MAPK8IP3: variants seen among roughly 807,000 people sequenced by gnomAD.
The protein encoded by MAPK8IP3 is mitogen-activated protein kinase 8 interacting protein 3, also known as C-Jun-amino-terminal kinase-interacting protein 3.
A neutral mutation model predicts 157.8 loss-of-function variants in MAPK8IP3; 49 were observed. The ratio of observed to expected loss-of-function variants is 0.31; its 90% confidence interval spans 0.25 to 0.39. MAPK8IP3 has a LOEUF of 0.39. MAPK8IP3 is among the 10% of genes least tolerant of loss of function. The probability of loss-of-function intolerance (pLI) is 1.00; values close to 1 mark genes in which losing one functional copy is unlikely to be tolerated. For missense variants in MAPK8IP3, 1,478 were observed against 1,889.4 expected (o/e 0.78, Z 4.04); for synonymous variants, 897 against 777.7 (o/e 1.15, Z -2.55).
chr16:1,767,853 T>G lies in MAPK8IP3; in HGVS notation c.3458T>G (p.Val1153Gly), dbSNP rs1364948978. The change falls in exon 28 of 32, where the codon GTC becomes GGC. Residue 1153 changes from valine to glycine, a missense_variant. Physicochemically the swap from Val to Gly is moderately radical, Grantham distance 109. Around this residue, in one of 11 missense-constraint regions of MAPK8IP3, gnomAD observed 68 missense variants for 125.1 expected, o/e 0.54. Coordinates refer to ENST00000610761, the MANE Select transcript of MAPK8IP3 (RefSeq NM_001318852.2). ...TTCGTACGCATCACGGCCCTGCTTG[T>G]CGCGGGCAGCCGGCTCTGGGTGGGC... ...FSFVRITALL[V>G]AGSRLWVGTG... 1 of 1,611,266 alleles carries G rather than the reference T, an allele frequency of 6.2e-7. No homozygotes were observed. The highest frequency in any genetic ancestry group is 1.7e-5 in the Admixed American group (1 of 59,988).
chr16:1,740,185 C>T (rs2040573186), intron 4 of MAPK8IP3, among the ~76,000 whole-genome samples: 1 of 110,468 alleles, frequency 9.1e-6, no homozygotes. Flanking sequence ...TGTGACCGTT[C>T]GTGTGAGTGT....
In MAPK8IP3 at chr16:1,750,713, C is replaced by T. The variant is rs780551801; in HGVS notation, c.1216+1993C>T. 1.4e-3 allele frequency among the ~76,000 whole-genome samples: 218 copies of T among 150,840 alleles called. 1 individual carries two copies. The highest frequency in any genetic ancestry group is 2.4e-3 in the Non-Finnish European group (163 of 67,724). ...AGGCTGGAGTGCAGTGGTGCGATCT[C>T]GGCTCACTGCAACCTCTGCCTTCCC... On this transcript the variant is annotated intron_variant, in intron 8 of 31. Transcript: ENST00000610761.
chr16:1,717,479 C>A (rs2038231216), intron 1 of MAPK8IP3, among the ~76,000 whole-genome samples: 1 of 152,166 alleles, frequency 6.6e-6, no homozygotes, highest in Non-Finnish European at 1.5e-5. Context: ...AGTCATTGCT[C>A]CTTGGGATGC....
Position 1,766,323 on chromosome 16 carries a change from G to A in MAPK8IP3, c.2733G>A (p.Glu911=), listed in dbSNP as rs1225709263. 1 of 1,612,646 alleles carries A rather than the reference G, an allele frequency of 6.2e-7. No homozygotes were observed. The highest frequency in any genetic ancestry group is 1.3e-5 in the African/African-American group (1 of 74,946). Residue 911 remains glutamate, a synonymous_variant, in exon 22 of 32, where the codon GAG becomes GAA. Coordinates refer to ENST00000610761, the MANE Select transcript of MAPK8IP3 (RefSeq NM_001318852.2). ...CAGACCCTGGGCCCAGCGAGCCAGAGACAGCCACATTGCGGCCCGGGCCTC... is the reference window on the plus strand; with the variant it reads ...CAGACCCTGGGCCCAGCGAGCCAGAAACAGCCACATTGCGGCCCGGGCCTC... The part of the protein sequence containing the change: ...EVPDPGPSEP[E]TATLRPGPLT...
At chr16:1,759,332 G>A (rs926809835) in intron 10 of MAPK8IP3, among the ~76,000 whole-genome samples, 3 of 152,240 alleles carry the variant, frequency 2.0e-5, no homozygotes, top group African/African-American at 4.8e-5. Context: ...CTGAGCCCAG[G>A]CACAGAGGCG....
intron 9 of MAPK8IP3, 102 bp downstream of exon 9, chr16:1,758,261 G>GC (rs1407411352): frequency 2.2e-6 from 3 of 1,381,294 alleles, no homozygotes; most frequent in East Asian, 2.4e-5. Flanking sequence ...TGTGTGGACT[G>GC]CCCCCCACGT....
chr16:1,729,859 T>G (rs1325393456), intron 4 of MAPK8IP3, among the ~76,000 whole-genome samples: 1 of 152,072 alleles, frequency 6.6e-6, no homozygotes, highest in Non-Finnish European at 1.5e-5. Flanking sequence ...TGCGCATATT[T>G]AACCCTTACT....
chr16:1,715,790 G>A (rs761526809), intron 1 of MAPK8IP3, among the ~76,000 whole-genome samples: 5 of 151,364 alleles, frequency 3.3e-5, no homozygotes, highest in Admixed American at 6.6e-5. Flanking sequence ...GTGCAATGGC[G>A]TGATCTCTAC....
chr16:1,737,696 A>G (rs1303021988), intron 4 of MAPK8IP3, among the ~76,000 whole-genome samples: 6 of 71,322 alleles, frequency 8.4e-5, no homozygotes, highest in Admixed American at 1.9e-4. Flanking sequence ...GTGTGTGACC[A>G]TCCATGTGAG....
chr16:1,757,522 C>T (rs2041678392), intron 8 of MAPK8IP3, among the ~76,000 whole-genome samples: 1 of 152,204 alleles, frequency 6.6e-6, no homozygotes, highest in African/African-American at 2.4e-5. Flanking sequence ...CCTCGCCAGC[C>T]TCCTGTGCAG....
At chr16:1,738,627 TGTGAGC>T (rs2040290201) in intron 4 of MAPK8IP3, among the ~76,000 whole-genome samples, 1 of 120,924 alleles carries the variant, frequency 8.3e-6, no homozygotes, top group Non-Finnish European at 1.7e-5. Context: ...TGAGCATCGG[TGTGAGC>T]GTGTGAGCGT....
intron 13 of MAPK8IP3, 56 bp downstream of exon 13, chr16:1,761,361 G>A: frequency 6.6e-7 from 1 of 1,511,852 alleles, no homozygotes. Context: ...CTTTTCACAG[G>A]CGGGGCGGCC....
chr16:1,728,013 T>C (rs1221185931), intron 2 of MAPK8IP3, among the ~76,000 whole-genome samples: 1 of 152,232 alleles, frequency 6.6e-6, no homozygotes, highest in Non-Finnish European at 1.5e-5. Flanking sequence ...TCCCTGGGGC[T>C]GTCTCTCACC....
chr16:1,711,854 C>T (rs1249884362), intron 1 of MAPK8IP3, among the ~76,000 whole-genome samples: 1 of 150,904 alleles, frequency 6.6e-6, no homozygotes, highest in African/African-American at 2.4e-5. Context: ...GCAGGAGAAT[C>T]GCTTGAACAC....
chr16:1,759,019 CGT>C (rs1567197065), intron 10 of MAPK8IP3, 24 bp downstream of exon 10: 1 of 1,613,920 alleles, frequency 6.2e-7, no homozygotes, highest in Admixed American at 1.7e-5. Flanking sequence ...CCCGTTCCAG[CGT>C]GCGTCGCTCC....
chr16:1,730,506 G>A (rs561911882), intron 4 of MAPK8IP3, among the ~76,000 whole-genome samples: 1 of 152,148 alleles, frequency 6.6e-6, no homozygotes, highest in African/African-American at 2.4e-5. Context: ...TTGGGAGGCC[G>A]AGGTGGGCAG....
chr16:1,737,050 GTC>G (rs2039981627), intron 4 of MAPK8IP3, among the ~76,000 whole-genome samples: 4 of 79,114 alleles, frequency 5.1e-5, no homozygotes, highest in Non-Finnish European at 7.5e-5. Flanking sequence ...CCGTGTGACC[GTC>G]CGTGTGAGCG....
intron 4 of MAPK8IP3, among the ~76,000 whole-genome samples, chr16:1,740,154 G>T (rs1349877323): frequency 7.7e-6 from 1 of 130,564 alleles, no homozygotes; most frequent in Middle Eastern, 4.7e-3. Context: ...GCTTCCGTGT[G>T]ACCGTCCGTG....
chr16:1,767,072 G>C, intron 25 of MAPK8IP3, 77 bp from the exon 26 acceptor site: 1 of 1,588,028 alleles, frequency 6.3e-7, no homozygotes, highest in Non-Finnish European at 8.6e-7. Flanking sequence ...TAGTCTGGCA[G>C]TGGGTGTCTC....
Sources: gnomAD v4.1 joint callset for allele counts (sites outside exome capture counted in the v4.1 genomes callset) on GRCh38, gnomAD v4.1.1 for gene constraint, gnomAD v4.1.1 regional missense constraint, MANE v1.5 for transcripts, NCBI Gene and HGNC (gene_info 2026-07-23, HGNC 2026-07-21) for gene names.